NMT2: variants seen among roughly 807,000 people sequenced by gnomAD.
The protein encoded by NMT2 is glycylpeptide N-tetradecanoyltransferase 2.
In NMT2, 35 loss-of-function variants were observed where a neutral mutation model predicts 65.4. That is an observed-to-expected ratio of 0.54 (90% confidence interval 0.41 to 0.71). The LOEUF (loss-of-function observed/expected upper bound fraction) is 0.71. NMT2 is among the 30% of genes least tolerant of loss of function. NMT2 has a pLI of 0.00. For synonymous variants in NMT2, 226 were observed against 231.8 expected (o/e 0.98, Z 0.23); for missense variants, 489 against 611.3 (o/e 0.80, Z 2.11).
At chr10:15,112,991 G>A in intron 9 of NMT2, 28 bp from the exon 10 acceptor site, 1 of 1,609,902 alleles carries the variant, frequency 6.2e-7, no homozygotes, top group South Asian at 1.1e-5. Flanking sequence ...GTCAGACAGA[G>A]ATCTCCTTGA....
intron 2 of NMT2, among the ~76,000 whole-genome samples, chr10:15,140,325 T>C (rs377561469): frequency 2.6e-5 from 4 of 152,018 alleles, no homozygotes; most frequent in Non-Finnish European, 5.9e-5. Context: ...GGTTTTGCCA[T>C]GTTGCCCAGG....
Position 15,108,188 on chromosome 10 carries a change from C to G in NMT2, c.*1007G>C, listed in dbSNP as rs1469364714. ...AGTTAGTCGCGGGTACAGGCTCTTT[C>G]TTTTTTTTTTTTTTTGAGACGGAGT... On this transcript the variant is annotated 3_prime_UTR_variant, in exon 12 of 12. Coordinates refer to ENST00000378165, the MANE Select transcript of NMT2 (RefSeq NM_004808.3). 2 of 594,002 alleles carry G rather than the reference C, an allele frequency of 3.4e-6. No homozygotes were observed. Among genetic ancestry groups the G allele is most frequent in the African/African-American group, 2.0e-5 (1 of 50,014 alleles). 36.8% of individuals were successfully genotyped at this position (594,002 alleles called of 1,614,324 possible).
In NMT2 at chr10:15,108,261, C is replaced by A. The variant is rs1008853198; in HGVS notation, c.*934G>T. On this transcript the variant is annotated 3_prime_UTR_variant, in exon 12 of 12. Transcript: ENST00000378165. ...GGAGTGCAGTGGCTCGATCTCGGCT[C>A]ACTGCAACCTCACCTCTCAGGTTCA... 6 of 836,284 alleles carry A rather than the reference C, an allele frequency of 7.2e-6. No homozygotes were observed. The highest frequency in any genetic ancestry group is 8.6e-6 in the Non-Finnish European group (6 of 695,036). 51.8% of individuals were successfully genotyped at this position (836,284 alleles called of 1,614,324 possible).
At chr10:15,111,233 G>A (rs901115946) in intron 10 of NMT2, among the ~76,000 whole-genome samples, 11 of 151,938 alleles carry the variant, frequency 7.2e-5, no homozygotes, top group African/African-American at 1.7e-4. Context: ...TATGCAGGCC[G>A]GGCGTGGTGG....
Position 15,133,373 on chromosome 10 carries a change from G to A in NMT2, c.392-10C>T, listed in dbSNP as rs199818123. On this transcript the variant is annotated splice_polypyrimidine_tract_variant and intron_variant, in intron 3 of 11. Transcript: ENST00000378165. ...GATGTTATGACTTCATCTGAACAGG[G>A]AGAGAAAGAGAAAAAAGAAAGGCAA... 1.0e-4 allele frequency: 162 copies of A among 1,572,766 alleles called. No individual in the cohort carries two copies. The highest frequency in any genetic ancestry group is 1.3e-4 in the Non-Finnish European group (153 of 1,142,422).
rs1360417465 is a variant in NMT2 at position 15,161,102 on chromosome 10, A to C, written c.110+7401T>G. On this transcript the variant is annotated intron_variant, in intron 1 of 11. Transcript: ENST00000378165. ...AAATCAAAAAAAAAAAAAAAAAAAAAAAAAAAAACACAAAGAAAACAACAT... is the reference window on the plus strand; with the variant it reads ...AAATCAAAAAAAAAAAAAAAAAAAACAAAAAAAACACAAAGAAAACAACAT... Among the ~76,000 whole-genome samples, 461 of 149,550 alleles carry C rather than the reference A, an allele frequency of 3.1e-3. 5 individuals are homozygous for C. The highest frequency in any genetic ancestry group is 0.011 in the African/African-American group (432 of 40,762).
chr10:15,121,160 C>T (rs543467882), intron 8 of NMT2, among the ~76,000 whole-genome samples: 3 of 152,174 alleles, frequency 2.0e-5, no homozygotes, highest in East Asian at 3.9e-4. Flanking sequence ...TTTTTCCCCC[C>T]CTTGGAGAAA....
chr10:15,118,829 T>C (rs1274095733), intron 9 of NMT2, among the ~76,000 whole-genome samples: 5 of 152,156 alleles, frequency 3.3e-5, no homozygotes, highest in African/African-American at 1.2e-4. Flanking sequence ...GGTGAGCTAT[T>C]TGGCAATTTC....
At chr10:15,116,703 A>C (rs1164171441) in intron 9 of NMT2, among the ~76,000 whole-genome samples, 1 of 152,228 alleles carries the variant, frequency 6.6e-6, no homozygotes, top group Non-Finnish European at 1.5e-5. Flanking sequence ...AAGAGAAGAC[A>C]CGAATCACCA....
chr10:15,112,998 T>C (rs771598960), intron 9 of NMT2, 35 bp from the exon 10 acceptor site: 1 of 1,590,370 alleles, frequency 6.3e-7, no homozygotes, highest in Non-Finnish European at 8.6e-7. Flanking sequence ...AGAGATCTCC[T>C]TGAACCAACT....
At chr10:15,146,612 G>A (rs978224866) in intron 1 of NMT2, among the ~76,000 whole-genome samples, 9 of 152,348 alleles carry the variant, frequency 5.9e-5, no homozygotes, top group Middle Eastern at 3.4e-3. Flanking sequence ...AAGGATGGCA[G>A]AGCCACACGA....
intron 9 of NMT2, among the ~76,000 whole-genome samples, chr10:15,119,011 A>G (rs979325780): frequency 2.0e-5 from 3 of 152,212 alleles, no homozygotes; most frequent in Non-Finnish European, 2.9e-5. Context: ...CCTTGTTGAC[A>G]AGTTACCATC....
At chr10:15,123,225 C>T (rs903376162) in intron 8 of NMT2, among the ~76,000 whole-genome samples, 2 of 152,102 alleles carry the variant, frequency 1.3e-5, no homozygotes, top group African/African-American at 4.8e-5. Context: ...TTTACATTTG[C>T]TGACTAATAG....
intron 8 of NMT2, among the ~76,000 whole-genome samples, chr10:15,122,595 A>C (rs910378358): frequency 1.3e-5 from 2 of 151,962 alleles, no homozygotes; most frequent in African/African-American, 2.4e-5. Context: ...AATTTTTTGT[A>C]TTTTTAGTAG....
intron 1 of NMT2, chr10:15,154,924 C>CA (rs1489736622): frequency 2.1e-6 from 2 of 973,594 alleles, no homozygotes; most frequent in South Asian, 2.5e-5. Flanking sequence ...ACATGCTTGC[C>CA]ATCCAACCAC....
chr10:15,108,615 A>G lies in NMT2; in HGVS notation c.*580T>C, dbSNP rs1589282927. The G allele has an allele frequency of 2.0e-6, 2 of 986,444 alleles. No individual in the cohort carries two copies. Among genetic ancestry groups the G allele is most frequent in the African/African-American group, 3.5e-5 (2 of 57,386 alleles). The allele number at this position is 986,444 out of a possible 1,614,324, so 61.1% of individuals were successfully genotyped here. A position where few individuals can be genotyped will look rare whatever the true frequency, so the allele number is the denominator to read the frequency against. On this transcript the variant is annotated 3_prime_UTR_variant, in exon 12 of 12. Coordinates refer to ENST00000378165, the MANE Select transcript of NMT2 (RefSeq NM_004808.3). ...TCGGCAACTCTGCTTATGGAGAAAT[A>G]CATGTACTAGTCACCAGTACATTTT... is the stretch of plus-strand genomic sequence containing the variant.
intron 1 of NMT2, among the ~76,000 whole-genome samples, chr10:15,157,823 C>G (rs563200206): frequency 1.5e-4 from 23 of 152,192 alleles, no homozygotes; most frequent in African/African-American, 4.8e-4. Flanking sequence ...CAATCTATGA[C>G]TTATAAAGAA....
At chr10:15,147,452 T>TA (rs1307136465) in intron 1 of NMT2, among the ~76,000 whole-genome samples, 5 of 151,938 alleles carry the variant, frequency 3.3e-5, no homozygotes, top group African/African-American at 1.2e-4. Flanking sequence ...GAAGAACAGA[T>TA]AAACAGGTCC....
At chr10:15,144,744 A>C (rs573763641) in intron 1 of NMT2, among the ~76,000 whole-genome samples, 1 of 152,042 alleles carries the variant, frequency 6.6e-6, no homozygotes, top group African/African-American at 2.4e-5. Flanking sequence ...AAAAAAAAAG[A>C]AAGAGCCAGT....
Sources: gnomAD v4.1 joint callset for allele counts (sites outside exome capture counted in the v4.1 genomes callset) on GRCh38, gnomAD v4.1.1 for gene constraint, MANE v1.5 for transcripts, NCBI Gene and HGNC (gene_info 2026-07-23, HGNC 2026-07-21) for gene names.